Variants in TANGO6 observed in about 807,000 individuals in gnomAD.
The protein encoded by TANGO6 is transport and Golgi organization protein 6 homolog.
TANGO6 carries 90 observed loss-of-function variants against 114.2 expected under a neutral mutation model. The observed-to-expected ratio is 0.79, with a 90% CI of 0.66 to 0.94. TANGO6 has a LOEUF of 0.94. Ranked by LOEUF, TANGO6 falls within the 40% of genes least tolerant of loss-of-function variation. TANGO6 has a pLI of 0.00. For missense variants in TANGO6, 1,274 were observed against 1,315.3 expected (o/e 0.97, Z 0.49); for synonymous variants, 477 against 509.8 (o/e 0.94, Z 0.87).
intron 14 of TANGO6, among the ~76,000 whole-genome samples, chr16:68,969,453 T>C (rs1215533357): frequency 6.6e-6 from 1 of 152,126 alleles, no homozygotes; most frequent in Non-Finnish European, 1.5e-5. Flanking sequence ...ACTGCTGTTA[T>C]TCTCCAGGGA....
intron 6 of TANGO6, among the ~76,000 whole-genome samples, chr16:68,879,815 A>G (rs947264193): frequency 6.6e-6 from 1 of 151,568 alleles, no homozygotes; most frequent in African/African-American, 2.4e-5. Context: ...ATGGGGTTTC[A>G]CTGTGTTAGC....
At chr16:68,932,042 G>T (rs1963248236) in intron 14 of TANGO6, among the ~76,000 whole-genome samples, 1 of 151,622 alleles carries the variant, frequency 6.6e-6, no homozygotes, top group African/African-American at 2.4e-5. Context: ...GAGTTGTATG[G>T]TATGTGAGTT....
intron 5 of TANGO6, 79 bp downstream of exon 5, chr16:68,875,369 T>C: frequency 6.7e-7 from 1 of 1,490,046 alleles, no homozygotes; most frequent in Admixed American, 2.0e-5. Context: ...GTTCCTCTAG[T>C]ATTGAGATAA....
chr16:69,063,511 CG>C (rs1201954360), intron 17 of TANGO6, among the ~76,000 whole-genome samples: 1 of 149,918 alleles, frequency 6.7e-6, no homozygotes, highest in Non-Finnish European at 1.5e-5. Flanking sequence ...GGCGACAAAG[CG>C]AGACCCCGTC....
intron 6 of TANGO6, 51 bp from the exon 7 acceptor site, chr16:68,880,497 C>G: frequency 7.1e-7 from 1 of 1,404,548 alleles, no homozygotes; most frequent in Non-Finnish European, 1.0e-6. Context: ...TTTAGTATGT[C>G]CTATTCAGTG....
At chr16:68,921,292 C>T (rs753338641) in intron 12 of TANGO6, among the ~76,000 whole-genome samples, 3 of 151,302 alleles carry the variant, frequency 2.0e-5, no homozygotes, top group Non-Finnish European at 2.9e-5. Flanking sequence ...AAGCAATTCT[C>T]CTGCCTCAGC....
At chr16:69,041,507 T>C (rs1326005373) in intron 17 of TANGO6, among the ~76,000 whole-genome samples, 2 of 152,126 alleles carry the variant, frequency 1.3e-5, no homozygotes, top group Non-Finnish European at 2.9e-5. Flanking sequence ...TTATTCATCC[T>C]AGAATGTTAC....
chr16:68,902,283 A>C, intron 8 of TANGO6, 45 bp from the exon 9 acceptor site: 1 of 1,545,674 alleles, frequency 6.5e-7, no homozygotes. Context: ...TGTTAGATGC[A>C]TGGAGTAAGA....
At position 68,946,521 on chromosome 16, in the gene TANGO6, A is replaced by T. The variant is rs565828643; in HGVS notation, c.2701+16226A>T. Among the ~76,000 whole-genome samples, 4 of 151,672 alleles carry T rather than the reference A, an allele frequency of 2.6e-5. No homozygotes were observed. The South Asian group carries it at 6.2e-4, about 24-fold the overall frequency. ...TTCTTTTCTTTTAAGACAGGGTCTT[A>T]CTCTCACCCAAGTTGGTGTGTAGTG... On this transcript the variant is annotated intron_variant, in intron 14 of 17. Coordinates refer to ENST00000261778, the MANE Select transcript of TANGO6 (RefSeq NM_024562.2).
chr16:68,900,973 G>A (rs1962775558), intron 8 of TANGO6, among the ~76,000 whole-genome samples: 1 of 152,212 alleles, frequency 6.6e-6, no homozygotes, highest in African/African-American at 2.4e-5. Context: ...TTTGGTGTTG[G>A]TGATGCAGTG....
rs571375836 is a variant in TANGO6 at position 69,036,639 on chromosome 16, T to A, written c.2995-3669T>A. Among the ~76,000 whole-genome samples the A allele has an allele frequency of 3.3e-5, 5 of 152,212 alleles. No individual in the cohort carries two copies. In the South Asian group the frequency reaches 1.0e-3, roughly 32 times the overall value. On this transcript the variant is annotated intron_variant, in intron 16 of 17. Transcript: ENST00000261778. ...TTGTCATAACTAGCTCCTCTCTCAGTCATACCTTCAAGGTGGCACAGGGAT... is the reference window on the plus strand; with the variant it reads ...TTGTCATAACTAGCTCCTCTCTCAGACATACCTTCAAGGTGGCACAGGGAT...
intron 16 of TANGO6, among the ~76,000 whole-genome samples, chr16:69,030,847 C>T (rs1398507558): frequency 1.3e-5 from 2 of 151,422 alleles, no homozygotes; most frequent in East Asian, 2.0e-4. Context: ...GTCAAGAGAT[C>T]GAGACCATCC....
Position 68,972,008 on chromosome 16 carries a change from A to G in TANGO6, c.2702-2020A>G, listed in dbSNP as rs369611077. Among the ~76,000 whole-genome samples the G allele has an allele frequency of 5.9e-5, 9 of 152,096 alleles. No individual in the cohort carries two copies. The East Asian group carries it at 7.7e-4, about 13-fold the overall frequency. ...CCTCCAAGGACTTCTTCATCATTTT[A>G]TATAATAGAGTGAACTACAACTACA... On this transcript the variant is annotated intron_variant, in intron 14 of 17. Coordinates refer to ENST00000261778, the MANE Select transcript of TANGO6 (RefSeq NM_024562.2).
chr16:68,848,108 T>TAAATAGAG (rs1285245898), intron 1 of TANGO6, among the ~76,000 whole-genome samples: 1 of 152,040 alleles, frequency 6.6e-6, no homozygotes, highest in Non-Finnish European at 1.5e-5. Context: ...CTCTCTCTTT[T>TAAATAGAG]AAATAGAGAC....
At chr16:68,982,629 C>CATTTTTTTTTTTTTTTTTTTTT (rs1567553024) in intron 15 of TANGO6, among the ~76,000 whole-genome samples, 4 of 120,528 alleles carry the variant, frequency 3.3e-5, no homozygotes, top group African/African-American at 1.6e-4. Context: ...CATGCCCTGG[C>CATTTTTTTTTTTTTTTTTTTTT]CTTTTTTTTT....
chr16:69,008,774 C>G (rs1484246818), intron 15 of TANGO6, among the ~76,000 whole-genome samples: 1 of 151,948 alleles, frequency 6.6e-6, no homozygotes, highest in Non-Finnish European at 1.5e-5. Flanking sequence ...TCCAATGTAG[C>G]TGGGATTACA....
Position 68,884,419 on chromosome 16 carries a change from T to C in TANGO6, c.1377+3789T>C, listed in dbSNP as rs1962510166. On this transcript the variant is annotated intron_variant, in intron 7 of 17. Coordinates refer to ENST00000261778, the MANE Select transcript of TANGO6 (RefSeq NM_024562.2). Reference sequence around the variant, plus strand: ...ATGGATAGACTTCTGAAAAGAGGGGTCTTCTATCCTGTTCTGAATATTAGT... The same window carrying C: ...ATGGATAGACTTCTGAAAAGAGGGGCCTTCTATCCTGTTCTGAATATTAGT... 3.3e-5 allele frequency among the ~76,000 whole-genome samples: 5 copies of C among 152,126 alleles called. No individual in the cohort carries two copies. The South Asian group carries it at 1.0e-3, about 32-fold the overall frequency.
chr16:68,951,033 G>A (rs1381655635), intron 14 of TANGO6, among the ~76,000 whole-genome samples: 3 of 151,702 alleles, frequency 2.0e-5, no homozygotes, highest in Non-Finnish European at 4.4e-5. Flanking sequence ...ATGTTCAAGA[G>A]TGGGGCCAGA....
chr16:68,953,576 C>T (rs190284109), intron 14 of TANGO6, among the ~76,000 whole-genome samples: 11 of 152,282 alleles, frequency 7.2e-5, no homozygotes, highest in Admixed American at 2.0e-4. Context: ...CTCACTAACT[C>T]CATCCTCCTT....
Sources: gnomAD v4.1 joint callset for allele counts (sites outside exome capture counted in the v4.1 genomes callset) on GRCh38, gnomAD v4.1.1 for gene constraint, MANE v1.5 for transcripts, NCBI Gene and HGNC (gene_info 2026-07-23, HGNC 2026-07-21) for gene names.